Variants in TBCD observed in about 807,000 individuals in gnomAD.
The protein encoded by TBCD is tubulin-specific chaperone D.
In TBCD, 105 loss-of-function variants were observed where a neutral mutation model predicts 169.3. The ratio of observed to expected loss-of-function variants is 0.62; its 90% CI spans 0.53 to 0.73. The LOEUF is 0.73. Ranked by LOEUF, TBCD falls within the 30% of genes least tolerant of loss-of-function variation. The pLI, the probability that TBCD is intolerant of heterozygous loss-of-function variation, is 0.00. For synonymous variants in TBCD, 700 were observed against 643.9 expected (o/e 1.09, Z -1.32); for missense variants, 1,444 against 1,600.1 (o/e 0.90, Z 1.66).
intron 13 of TBCD, among the ~76,000 whole-genome samples, chr17:82,827,518 A>G (rs1276912385): frequency 6.6e-6 from 1 of 152,208 alleles, no homozygotes; most frequent in Non-Finnish European, 1.5e-5. Context: ...GAGTAGCCCC[A>G]GGGGTGCTTC....
chr17:82,755,060 C>A (rs1727473664), intron 1 of TBCD, among the ~76,000 whole-genome samples: 1 of 152,168 alleles, frequency 6.6e-6, no homozygotes, highest in Admixed American at 6.5e-5. Context: ...TCAATCAATA[C>A]CTGTAAGATG....
At position 82,789,902 on chromosome 17, in the gene TBCD, G is replaced by A. The variant is rs116311014; in HGVS notation, c.772-7855G>A. Among the ~76,000 whole-genome samples the A allele has an allele frequency of 9.1e-3, 1,379 of 152,306 alleles. 17 individuals are homozygous for A. The highest frequency in any genetic ancestry group is 0.032 in the African/African-American group (1,336 of 41,566). On this transcript the variant is annotated intron_variant, in intron 7 of 38. Coordinates refer to ENST00000355528, the MANE Select transcript of TBCD (RefSeq NM_005993.5). This position sits in a 1 kb window ranked among gnomAD's most constrained non-coding sequence, Gnocchi z 4.8. ...CCCGGGAGCCCAGCAACAAATGGGA[G>A]CTTCTGTGCTGCTGTCCGTGCATAC...
chr17:82,770,521 C>T (rs1023071004), intron 5 of TBCD, among the ~76,000 whole-genome samples: 2 of 151,864 alleles, frequency 1.3e-5, no homozygotes, highest in African/African-American at 4.8e-5. Flanking sequence ...ATCGCTTGAA[C>T]CTGGGAGGCG....
chr17:82,859,071 C>G (rs568954341), intron 13 of TBCD, among the ~76,000 whole-genome samples: 72 of 152,192 alleles, frequency 4.7e-4, no homozygotes, highest in African/African-American at 1.7e-3. Context: ...TGTGTCCTCC[C>G]CGCACTGGCT....
intron 13 of TBCD, among the ~76,000 whole-genome samples, chr17:82,852,938 T>C (rs904592825): frequency 1.3e-5 from 2 of 152,198 alleles, no homozygotes; most frequent in African/African-American, 4.8e-5. Context: ...CTCAGAACCG[T>C]GTCTGGCTTG....
intron 11 of TBCD, among the ~76,000 whole-genome samples, 194 bp from the exon 12 acceptor site, chr17:82,809,514 G>T (rs1348113741): frequency 1.3e-5 from 2 of 152,166 alleles, no homozygotes; most frequent in African/African-American, 4.8e-5. Flanking sequence ...TTTGAATCTG[G>T]CTGCAGGCTC....
chr17:82,765,533 G>A (rs1468450259), intron 3 of TBCD, among the ~76,000 whole-genome samples: 2 of 152,214 alleles, frequency 1.3e-5, no homozygotes, highest in African/African-American at 4.8e-5. Context: ...GGTTCGTAGT[G>A]GCGAGGCGCA....
chr17:82,938,191 T>G, intron 36 of TBCD, 55 bp downstream of exon 36: 1 of 1,557,398 alleles, frequency 6.4e-7, no homozygotes, highest in South Asian at 1.2e-5. Context: ...AGCCCCTCAG[T>G]GACAAGAAGG....
chr17:82,770,163 G>C (rs1359452252), intron 5 of TBCD, among the ~76,000 whole-genome samples: 1 of 152,172 alleles, frequency 6.6e-6, no homozygotes, highest in Non-Finnish European at 1.5e-5. Context: ...TTTACCCTCA[G>C]CAACACGTTC....
chr17:82,858,707 T>A, intron 13 of TBCD: 1 of 960,950 alleles, frequency 1.0e-6, no homozygotes. Flanking sequence ...CCTTCATATT[T>A]TCTGACCCTC....
chr17:82,831,310 G>A lies in TBCD; in HGVS notation c.1318+16376G>A. On this transcript the variant is annotated intron_variant, in intron 13 of 38. Coordinates refer to ENST00000355528, the MANE Select transcript of TBCD (RefSeq NM_005993.5). This position sits in a 1 kb window ranked among gnomAD's most constrained non-coding sequence, Gnocchi z 4.6. ...AGCCTTGGAGGAGTCTTTAGCCTCA[G>A]GAATTGGACTTTCGAACTCGACGTG... The A allele has an allele frequency of 6.2e-7, 1 of 1,614,006 alleles. No individual in the cohort carries two copies. Among genetic ancestry groups the A allele is most frequent in the Non-Finnish European group, 8.5e-7 (1 of 1,180,034 alleles).
At position 82,899,971 on chromosome 17, in the gene TBCD, T is replaced by C. The variant is rs2059777518; in HGVS notation, c.1650-680T>C. On this transcript the variant is annotated intron_variant, in intron 17 of 38. Coordinates refer to ENST00000355528, the MANE Select transcript of TBCD (RefSeq NM_005993.5). ...ATTTTTTGTTTGGGGTTTATCTTTATATATTCTGTTACAAGTCGGTTTGCC... is the reference window on the plus strand; with the variant it reads ...ATTTTTTGTTTGGGGTTTATCTTTACATATTCTGTTACAAGTCGGTTTGCC... Among the ~76,000 whole-genome samples the C allele has an allele frequency of 2.0e-5, 3 of 152,252 alleles. No individual in the cohort carries two copies. The South Asian group carries it at 6.2e-4, about 31-fold the overall frequency.
At position 82,809,385 on chromosome 17, in the gene TBCD, G is replaced by A. The variant is rs577182707; in HGVS notation, c.1149-323G>A. Among the ~76,000 whole-genome samples, 3 of 152,276 alleles carry A rather than the reference G, an allele frequency of 2.0e-5. No homozygotes were observed. The South Asian group carries it at 6.2e-4, about 32-fold the overall frequency. ...CGGCTCCAGTAGGGAGGGTCAGGGT[G>A]AAGCCCTCAGCGTTCGCCTGCTGCC... is the stretch of plus-strand genomic sequence containing the variant. On this transcript the variant is annotated intron_variant, in intron 11 of 38. Transcript: ENST00000355528.
At chr17:82,911,898 C>T in intron 23 of TBCD, 109 bp downstream of exon 23, 1 of 1,177,052 alleles carries the variant, frequency 8.5e-7, no homozygotes. Flanking sequence ...GGGTGAAGGG[C>T]TGGGTGTGTT....
rs1290753112 is a variant in TBCD at position 82,782,524 on chromosome 17, T to C, written c.771+803T>C. Among the ~76,000 whole-genome samples the C allele has an allele frequency of 1.3e-5, 2 of 152,196 alleles. No individual in the cohort carries two copies. Among genetic ancestry groups the C allele is most frequent in the Non-Finnish European group, 2.9e-5 (2 of 68,036 alleles). On this transcript the variant is annotated intron_variant, in intron 7 of 38. Transcript: ENST00000355528. The surrounding 1 kb of genome is among the most constrained non-coding windows in gnomAD (Gnocchi z 5.1). ...GTTCTTGTTTAAAAAATATATTTTA[T>C]AGAGACAGGGTCTTGCTATGTAGGT...
At chr17:82,767,309 C>T (rs1188919245) in intron 4 of TBCD, among the ~76,000 whole-genome samples, 1 of 152,212 alleles carries the variant, frequency 6.6e-6, no homozygotes, top group Admixed American at 6.5e-5. Context: ...GCCCTGCACT[C>T]CGTGCCCTTC....
rs1567966866 is a variant in TBCD at position 82,889,671 on chromosome 17, G to A, written c.1537G>A (p.Ala513Thr). The change falls in exon 16 of 39, where the codon GCC (alanine) becomes ACC (threonine). Residue 513 changes from alanine to threonine, a missense_variant. By Grantham distance (58) the Ala-to-Thr change is moderately conservative. Coordinates refer to ENST00000355528, the MANE Select transcript of TBCD (RefSeq NM_005993.5). This position sits in a 1 kb window ranked among gnomAD's most constrained non-coding sequence, Gnocchi z 5.3. ...DINCRRAASAAFQENVGRQGT... is the reference protein window; with the variant it reads ...DINCRRAASATFQENVGRQGT... ...GTGTTTGTTCTTTGCTCCGCAGGCC[G>A]CCTTCCAGGAGAATGTGGGGAGACA... The A allele has an allele frequency of 1.9e-6, 3 of 1,613,766 alleles. No individual in the cohort carries two copies. Among genetic ancestry groups the A allele is most frequent in the African/African-American group, 1.3e-5 (1 of 75,034 alleles).
At position 82,831,030 on chromosome 17, in the gene TBCD, C is replaced by T. The variant is rs1288523982; in HGVS notation, c.1318+16096C>T. 2 of 1,614,024 alleles carry T rather than the reference C, an allele frequency of 1.2e-6. No individual in the cohort carries two copies. The highest frequency in any genetic ancestry group is 2.2e-5 in the South Asian group (2 of 91,088). ...TGACATTTTCTTACCTTACTGGAGA[C>T]TCTGCTGTGGTCTCAGCAGCCTGGG... On this transcript the variant is annotated intron_variant, in intron 13 of 38. Transcript: ENST00000355528. The surrounding 1 kb of genome is among the most constrained non-coding windows in gnomAD (Gnocchi z 4.6).
rs972408806 is a variant in TBCD, at chr17:82,835,385, C to A, written c.1318+20451C>A. 2.6e-5 allele frequency among the ~76,000 whole-genome samples: 4 copies of A among 152,106 alleles called. No homozygotes were observed. Among genetic ancestry groups the A allele is most frequent in the Non-Finnish European group, 5.9e-5 (4 of 68,008 alleles). On this transcript the variant is annotated intron_variant, in intron 13 of 38. Transcript: ENST00000355528. The surrounding 1 kb of genome is among the most constrained non-coding windows in gnomAD (Gnocchi z 4.5). ...TGGGGAAGTGCTCTGATTTTGTTCT[C>A]AGCAAACTGGTTTCTCTACTGATTT...
Sources: gnomAD v4.1 joint callset for allele counts (sites outside exome capture counted in the v4.1 genomes callset) on GRCh38, gnomAD v4.1.1 for gene constraint, Gnocchi (gnomAD v3.1) non-coding constraint, MANE v1.5 for transcripts, NCBI Gene and HGNC (gene_info 2026-07-23, HGNC 2026-07-21) for gene names.